CNBD1: variants seen among roughly 807,000 people sequenced by gnomAD.
CNBD1 encodes cyclic nucleotide-binding domain-containing protein 1.
CNBD1 carries 71 observed loss-of-function variants against 54.4 expected under a neutral mutation model. The ratio of observed to expected loss-of-function variants is 1.30; its 90% CI spans 1.08 to 1.59. CNBD1 has a LOEUF of 1.59. Ranked by LOEUF, CNBD1 falls within the 40% of genes most tolerant of loss-of-function variation. The probability of loss-of-function intolerance (pLI) is 0.00; values close to 1 mark genes in which losing one functional copy is unlikely to be tolerated. For synonymous variants in CNBD1, 182 were observed against 170.7 expected (o/e 1.07, Z -0.51); for missense variants, 659 against 518.0 (o/e 1.27, Z -2.64).
intron 4 of CNBD1, among the ~76,000 whole-genome samples, chr8:87,083,581 A>ATTTC (rs1811038915): frequency 1.5e-5 from 2 of 129,422 alleles, no homozygotes; most frequent in African/African-American, 3.0e-5. Flanking sequence ...AAACCAATGT[A>ATTTC]TTTCTTTTTT....
chr8:87,094,007 ACTTAAC>A (rs2130683844), intron 4 of CNBD1, among the ~76,000 whole-genome samples: 1 of 152,230 alleles, frequency 6.6e-6, no homozygotes, highest in South Asian at 2.1e-4. Context: ...CTTAGAACAC[ACTTAAC>A]CTGCACTGTT....
At chr8:86,918,790 A>G (rs1371567270) in intron 3 of CNBD1, among the ~76,000 whole-genome samples, 1 of 130,262 alleles carries the variant, frequency 7.7e-6, no homozygotes, top group Non-Finnish European at 1.7e-5. Flanking sequence ...TACACATGCT[A>G]TCTTTCTTTA....
chr8:87,278,309 T>G (rs1328747631), intron 6 of CNBD1, among the ~76,000 whole-genome samples: 1 of 151,578 alleles, frequency 6.6e-6, no homozygotes, highest in African/African-American at 2.4e-5. Context: ...TTTTTCTGAC[T>G]GTGGAAAGAC....
chr8:87,364,176 G>C (rs950507988), intron 10 of CNBD1, among the ~76,000 whole-genome samples: 1 of 151,152 alleles, frequency 6.6e-6, no homozygotes, highest in Non-Finnish European at 1.5e-5. Flanking sequence ...ATTTTTACTT[G>C]GAGAGATTAT....
At chr8:86,928,626 A>G (rs1177539751) in intron 3 of CNBD1, among the ~76,000 whole-genome samples, 2 of 152,198 alleles carry the variant, frequency 1.3e-5, no homozygotes, top group African/African-American at 2.4e-5. Flanking sequence ...GAAGGTATCA[A>G]CGCAGACCAA....
chr8:87,418,534 T>G (rs1020326814), intron 2 of CNBD1, among the ~76,000 whole-genome samples: 1 of 151,826 alleles, frequency 6.6e-6, no homozygotes, highest in Non-Finnish European at 1.5e-5. Flanking sequence ...ATTAAAAACT[T>G]TTACGTTTCA....
rs76753952 is a variant in CNBD1, at chr8:87,118,413, G to A, written c.432-87580G>A. 8.6e-3 allele frequency among the ~76,000 whole-genome samples: 1,301 copies of A among 152,052 alleles called. 24 individuals are homozygous for A. Among genetic ancestry groups the A allele is most frequent in the African/African-American group, 0.029 (1,219 of 41,454 alleles). On this transcript the variant is annotated intron_variant, in intron 4 of 10. Transcript: ENST00000518476. ...GTGCATGGTTCATGTATGTAAATAGGAGGGTCAGGGTGAATTTCACTGAGA... is the reference window on the plus strand; with the variant it reads ...GTGCATGGTTCATGTATGTAAATAGAAGGGTCAGGGTGAATTTCACTGAGA...
chr8:87,122,291 G>T (rs1685832963), intron 4 of CNBD1, among the ~76,000 whole-genome samples: 1 of 151,500 alleles, frequency 6.6e-6, no homozygotes, highest in African/African-American at 2.4e-5. Context: ...TTTTTAATTT[G>T]CATTTTTCTA....
At chr8:87,013,929 G>T (rs1170569959) in intron 4 of CNBD1, among the ~76,000 whole-genome samples, 3 of 150,768 alleles carry the variant, frequency 2.0e-5, no homozygotes, top group African/African-American at 7.3e-5. Context: ...GCTAACTACT[G>T]CCTAGGGTGA....
At chr8:87,176,951 G>A (rs1040899719) in intron 4 of CNBD1, among the ~76,000 whole-genome samples, 3 of 152,022 alleles carry the variant, frequency 2.0e-5, no homozygotes, top group African/African-American at 7.2e-5. Context: ...AGAATGACAG[G>A]ATTAGGAAGA....
chr8:87,099,034 C>CAAAAAAAAAA (rs11402011), intron 4 of CNBD1, among the ~76,000 whole-genome samples: 12 of 23,062 alleles, frequency 5.2e-4, no homozygotes, highest in African/African-American at 8.6e-4. Context: ...GACTGTGTCT[C>CAAAAAAAAAA]AAAAAAAAAA....
At chr8:86,962,236 C>T (rs747212255) in intron 4 of CNBD1, among the ~76,000 whole-genome samples, 13 of 152,030 alleles carry the variant, frequency 8.6e-5, no homozygotes, top group South Asian at 2.1e-4. Context: ...CTAATTCAGT[C>T]GACTGATAAA....
intron 6 of CNBD1, among the ~76,000 whole-genome samples, chr8:87,247,673 G>T (rs1807834518): frequency 6.6e-6 from 1 of 151,980 alleles, no homozygotes; most frequent in Admixed American, 6.6e-5. Context: ...CAAAAACTCT[G>T]GCCAGTGATC....
In CNBD1 at chr8:87,382,601, G is replaced by C; in HGVS notation, c.1304-19G>C. The C allele has an allele frequency of 6.5e-7, 1 of 1,535,296 alleles. No homozygotes were observed. The highest frequency in any genetic ancestry group is 8.8e-7 in the Non-Finnish European group (1 of 1,134,062). ...GTATTTATTATGTAACTTCTTGTTTGTTTGTTTGCCTTTTGCAGTGGCCTA... is the reference window on the plus strand; with the variant it reads ...GTATTTATTATGTAACTTCTTGTTTCTTTGTTTGCCTTTTGCAGTGGCCTA... On this transcript the variant is annotated intron_variant, in intron 10 of 10. Coordinates refer to ENST00000518476, the MANE Select transcript of CNBD1 (RefSeq NM_173538.3).
chr8:87,221,546 C>G (rs1814339670), intron 5 of CNBD1, among the ~76,000 whole-genome samples: 1 of 152,170 alleles, frequency 6.6e-6, no homozygotes, highest in Non-Finnish European at 1.5e-5. Flanking sequence ...ATAAATGCTT[C>G]TTTTTCATAA....
intron 3 of CNBD1, among the ~76,000 whole-genome samples, chr8:86,922,655 T>TA (rs967760686): frequency 1.6e-4 from 24 of 151,660 alleles, no homozygotes; most frequent in African/African-American, 4.6e-4. Context: ...AAGTCTGAGT[T>TA]AAAAAAAAAT....
chr8:87,123,933 C>A (rs1811943129), intron 4 of CNBD1, among the ~76,000 whole-genome samples: 2 of 151,402 alleles, frequency 1.3e-5, no homozygotes, highest in Admixed American at 1.3e-4. Context: ...AGACTGAAAC[C>A]TGAAGAAATA....
intron 2 of CNBD1, among the ~76,000 whole-genome samples, chr8:87,387,887 G>C (rs148020675): frequency 2.0e-4 from 31 of 152,074 alleles, no homozygotes; most frequent in Non-Finnish European, 4.3e-4. Context: ...GTAGAAAATA[G>C]AAATTATAAC....
chr8:86,884,695 C>G (rs1412645829), intron 1 of CNBD1, among the ~76,000 whole-genome samples: 1 of 152,154 alleles, frequency 6.6e-6, no homozygotes, highest in East Asian at 1.9e-4. Context: ...TACTTCAGTC[C>G]TATGCTAGAA....
Sources: allele counts gnomAD v4.1 joint callset (sites outside exome capture counted in the v4.1 genomes callset), GRCh38; gene constraint gnomAD v4.1.1; transcripts MANE v1.5; gene names NCBI Gene and HGNC (gene_info 2026-07-23, HGNC 2026-07-21).